Variants in RGS6 observed in about 807,000 individuals in gnomAD.
RGS6 encodes the protein regulator of G-protein signaling 6.
A neutral mutation model predicts 78.5 loss-of-function variants in RGS6; 30 were observed. That is an observed-to-expected ratio of 0.38 (90% CI 0.29 to 0.52). The LOEUF (loss-of-function observed/expected upper bound fraction) is 0.52, where lower values mean the gene tolerates loss of function less well. Ranked by LOEUF, RGS6 falls within the 20% of genes least tolerant of loss-of-function variation. RGS6 has a pLI of 0.85. For synonymous variants in RGS6, 206 were observed against 206.0 expected, an observed-to-expected ratio of 1.00 and a Z score of 0.00; for missense variants, 495 against 609.7, an observed-to-expected ratio of 0.81 and a Z score of 1.98.
chr14:72,465,137 G>A (rs1330856426), intron 6 of RGS6, among the ~76,000 whole-genome samples: 3 of 152,194 alleles, frequency 2.0e-5, no homozygotes, highest in African/African-American at 7.2e-5. Context: ...AGAGTTTGGT[G>A]GCCTCACAGT....
the RGS6 span, among the ~76,000 whole-genome samples, chr14:72,623,325 AC>A: frequency 1.3e-5 from 2 of 152,264 alleles, no homozygotes; most frequent in South Asian, 2.1e-4. Flanking sequence ...CCTAAAAAAA[AC>A]AAAAGAAAAA....
At chr14:71,965,205 G>A (rs935832327) in intron 2 of RGS6, among the ~76,000 whole-genome samples, 2 of 152,228 alleles carry the variant, frequency 1.3e-5, no homozygotes, top group Non-Finnish European at 2.9e-5. Context: ...CTCGTAGTAT[G>A]TACAAAATCT....
chr14:71,898,479 G>T, the RGS6 span, among the ~76,000 whole-genome samples: 1 of 152,176 alleles, frequency 6.6e-6, no homozygotes, highest in Non-Finnish European at 1.5e-5. Flanking sequence ...CAATAGAGAT[G>T]TTCCTAAAAT....
At chr14:72,434,026 C>G (rs2094784553) in intron 3 of RGS6, among the ~76,000 whole-genome samples, 1 of 152,222 alleles carries the variant, frequency 6.6e-6, no homozygotes, top group Non-Finnish European at 1.5e-5. Context: ...CTAGCAAATT[C>G]CAACGTGTCC....
At chr14:72,011,167 A>G (rs1275979634) in intron 2 of RGS6, among the ~76,000 whole-genome samples, 1 of 152,184 alleles carries the variant, frequency 6.6e-6, no homozygotes, top group Non-Finnish European at 1.5e-5. Flanking sequence ...CTTGGTTATG[A>G]GTTTCATGAG....
intron 2 of RGS6, among the ~76,000 whole-genome samples, chr14:71,982,244 C>T (rs1464950392): frequency 6.6e-6 from 1 of 152,186 alleles, no homozygotes; most frequent in Non-Finnish European, 1.5e-5. Context: ...AATCACCCGT[C>T]TTCTGCGTCG....
intron 1 of RGS6, among the ~76,000 whole-genome samples, chr14:71,946,381 G>A (rs1043527368): frequency 3.9e-5 from 6 of 152,058 alleles, no homozygotes; most frequent in African/African-American, 1.4e-4. Context: ...GGGATGTTCC[G>A]TACCCCAGGT....
intron 15 of RGS6, among the ~76,000 whole-genome samples, chr14:72,527,279 C>T (rs1481668647): frequency 6.6e-6 from 1 of 152,242 alleles, no homozygotes; most frequent in Non-Finnish European, 1.5e-5. Flanking sequence ...CCTAACTTTC[C>T]TGCAACCACA....
intron 6 of RGS6, among the ~76,000 whole-genome samples, 156 bp from the exon 7 acceptor site, chr14:72,465,586 ATGGATGGATGGATGGT>A (rs2095881044): frequency 2.0e-5 from 3 of 147,388 alleles, no homozygotes; most frequent in Non-Finnish European, 3.0e-5. Flanking sequence ...GGATGGATGG[ATGGATGGATGGATGGT>A]TGGGTGGATG....
intron 2 of RGS6, among the ~76,000 whole-genome samples, chr14:72,027,171 C>T (rs74060458): frequency 0.13 from 19,706 of 151,584 alleles, 1,326 homozygotes; most frequent in East Asian, 0.17. Context: ...TCAAGTCCAA[C>T]GGGGAGGCAG....
chr14:72,132,176 A>G (rs570785343), intron 2 of RGS6, among the ~76,000 whole-genome samples: 12 of 152,136 alleles, frequency 7.9e-5, no homozygotes, highest in East Asian at 1.9e-4. Context: ...TCCTTATCCA[A>G]TCATTTAAAT....
chr14:72,616,557 C>T, the RGS6 span, among the ~76,000 whole-genome samples: 1 of 152,160 alleles, frequency 6.6e-6, no homozygotes, highest in African/African-American at 2.4e-5. Flanking sequence ...ACAAGCATGG[C>T]TCTGCAGTGC....
intron 15 of RGS6, among the ~76,000 whole-genome samples, chr14:72,535,021 A>T (rs1273119329): frequency 6.6e-6 from 1 of 152,214 alleles, no homozygotes; most frequent in Non-Finnish European, 1.5e-5. Context: ...CTCTTGGAAC[A>T]GCCAAGCTTT....
At chr14:72,344,765 A>G (rs1397778961) in intron 2 of RGS6, among the ~76,000 whole-genome samples, 1 of 152,202 alleles carries the variant, frequency 6.6e-6, no homozygotes, top group Non-Finnish European at 1.5e-5. Context: ...AGAGCTTATA[A>G]CAGGATAAGC....
At chr14:72,477,204 A>G (rs1428317434) in intron 11 of RGS6, 2 of 180,448 alleles carry the variant, frequency 1.1e-5, no homozygotes, top group Admixed American at 1.2e-4. Flanking sequence ...GGTCTACTTT[A>G]TTGCTGTGAT....
chr14:72,422,280 T>C (rs570525094), intron 3 of RGS6, among the ~76,000 whole-genome samples: 2 of 152,288 alleles, frequency 1.3e-5, no homozygotes, highest in East Asian at 1.9e-4. Context: ...CTAATACAAA[T>C]GGGATGTAAA....
At chr14:72,519,483 G>A (rs2097000534) in intron 15 of RGS6, among the ~76,000 whole-genome samples, 1 of 152,194 alleles carries the variant, frequency 6.6e-6, no homozygotes, top group Non-Finnish European at 1.5e-5. Context: ...ACTCAGTGTA[G>A]CTGCACCAAT....
rs138848664 is a variant in RGS6 at position 72,087,053 on chromosome 14, G to A, written c.84+122178G>A. Among the ~76,000 whole-genome samples, 71 of 152,238 alleles carry A rather than the reference G, an allele frequency of 4.7e-4. 3 individuals are homozygous for A. The East Asian group carries it at 0.011, about 24-fold the overall frequency. On this transcript the variant is annotated intron_variant, in intron 2 of 17. Transcript: ENST00000553525. The stretch of plus-strand genomic sequence containing the variant: ...TAATTATAAAATGTTAAGTTAGGAC[G>A]ACACAGAATATTTTTCTCTGAGTAT...
At chr14:72,347,934 A>C (rs1312174614) in intron 2 of RGS6, among the ~76,000 whole-genome samples, 5 of 152,202 alleles carry the variant, frequency 3.3e-5, no homozygotes, top group African/African-American at 1.2e-4. Flanking sequence ...CTGAGACTAA[A>C]AGCTTTATTT....
Sources: allele counts gnomAD v4.1 joint callset (sites outside exome capture counted in the v4.1 genomes callset), GRCh38; gene constraint gnomAD v4.1.1; transcripts MANE v1.5; gene names NCBI Gene and HGNC (gene_info 2026-07-23, HGNC 2026-07-21).